DOP1B: variants seen among roughly 807,000 people sequenced by gnomAD.
DOP1B encodes protein DOP1B.
A neutral mutation model predicts 233.5 loss-of-function variants in DOP1B; 174 were observed. The observed-to-expected ratio is 0.75, with a 90% CI of 0.66 to 0.85. The LOEUF (loss-of-function observed/expected upper bound fraction) is 0.85. Ranked by LOEUF, DOP1B falls within the 40% of genes least tolerant of loss-of-function variation. DOP1B has a pLI of 0.00. For missense variants in DOP1B, 2,652 were observed against 2,846.6 expected, an observed-to-expected ratio of 0.93 and a Z score of 1.56; for synonymous variants, 1,190 against 1,185.6, an observed-to-expected ratio of 1.00 and a Z score of -0.08.
chr21:36,243,416 TCTC>T (rs2066915891), intron 18 of DOP1B, among the ~76,000 whole-genome samples: 3 of 151,666 alleles, frequency 2.0e-5, no homozygotes, highest in African/African-American at 4.8e-5. Context: ...CTATTTGACT[TCTC>T]CTAAAAAAGA....
At chr21:36,189,691 C>A (rs1253843457) in intron 2 of DOP1B, among the ~76,000 whole-genome samples, 4 of 150,746 alleles carry the variant, frequency 2.7e-5, no homozygotes, top group Non-Finnish European at 5.9e-5. Flanking sequence ...GCCTGGGTGA[C>A]AGAGCGAGAC....
At chr21:36,266,518 G>A (rs142363145) in intron 26 of DOP1B, among the ~76,000 whole-genome samples, 22 of 152,302 alleles carry the variant, frequency 1.4e-4, no homozygotes, top group African/African-American at 4.6e-4. Flanking sequence ...CAGATGAAGC[G>A]ATGATCAGGC....
intron 2 of DOP1B, among the ~76,000 whole-genome samples, chr21:36,190,266 A>C (rs900983257): frequency 6.6e-6 from 1 of 150,406 alleles, no homozygotes; most frequent in Non-Finnish European, 1.5e-5. Context: ...CGGAGGTTGC[A>C]GTGAGCCGAG....
chr21:36,254,052 T>A, intron 23 of DOP1B, 143 bp downstream of exon 23: 9 of 1,055,960 alleles, frequency 8.5e-6, no homozygotes, highest in Non-Finnish European at 1.2e-5. Flanking sequence ...GAAGTGGAGG[T>A]GCTGTTTGCT....
At chr21:36,255,656 T>G (rs930267241) in intron 23 of DOP1B, among the ~76,000 whole-genome samples, 8 of 150,718 alleles carry the variant, frequency 5.3e-5, no homozygotes, top group African/African-American at 1.7e-4. Flanking sequence ...GGTCTGGAAC[T>G]CCTAGGCTCA....
chr21:36,256,584 G>A (rs1263467279), intron 23 of DOP1B, among the ~76,000 whole-genome samples: 2 of 152,216 alleles, frequency 1.3e-5, no homozygotes, highest in Non-Finnish European at 2.9e-5. Flanking sequence ...CTCAGTGGGT[G>A]TGCGGATAAC....
chr21:36,236,759 TTTTTTC>T (rs1244818486), intron 15 of DOP1B, among the ~76,000 whole-genome samples: 2 of 148,034 alleles, frequency 1.4e-5, no homozygotes, highest in African/African-American at 2.5e-5. Flanking sequence ...CCTTTTTTTC[TTTTTTC>T]TTTTTCTTTT....
intron 23 of DOP1B, among the ~76,000 whole-genome samples, chr21:36,257,876 G>T (rs1465410574): frequency 6.6e-6 from 1 of 150,968 alleles, no homozygotes; most frequent in African/African-American, 2.5e-5. Flanking sequence ...GATGTAGGTA[G>T]ATGTAGTTAG....
intron 3 of DOP1B, among the ~76,000 whole-genome samples, chr21:36,199,544 G>A (rs554979369): frequency 4.5e-4 from 69 of 151,654 alleles, no homozygotes; most frequent in Non-Finnish European, 7.5e-4. Context: ...CCATTAACTC[G>A]TCATTTACAT....
At chr21:36,194,712 C>T (rs992974543) in intron 2 of DOP1B, among the ~76,000 whole-genome samples, 1 of 152,058 alleles carries the variant, frequency 6.6e-6, no homozygotes, top group African/African-American at 2.4e-5. Context: ...GTCTCAAACT[C>T]CTGACCTCAG....
In DOP1B at chr21:36,251,254, A is replaced by C; in HGVS notation, c.5091A>C (p.Arg1697Ser). The C allele has an allele frequency of 6.2e-7, 1 of 1,613,924 alleles. No homozygotes were observed. Among genetic ancestry groups the C allele is most frequent in the Non-Finnish European group, 8.5e-7 (1 of 1,179,960 alleles). ...CGGCTGTTGCGGCAGTGTGGAGCAG[A>C]AAGAAAGCCCAGCGTCACAGTAAGA... is the stretch of plus-strand genomic sequence containing the variant. ...LTAAVAAVWS[R>S]KKAQRHSKMK... is the part of the protein sequence containing the mutation. The change falls in exon 22 of 37, where the codon AGA (arginine) becomes AGC (serine). Residue 1697 changes from arginine (R) to serine (S), a missense_variant. Physicochemically the swap from Arg to Ser is moderately radical, Grantham distance 110 (BLOSUM62 -1). Around this residue, in one of 3 missense-constraint regions of DOP1B, gnomAD observed 2,617 missense variants for 2,794.3 expected, o/e 0.94. Coordinates refer to ENST00000691173, the MANE Select transcript of DOP1B (RefSeq NM_001320714.2).
At chr21:36,164,589 GC>G in intron 1 of DOP1B, 118 bp from the exon 2 acceptor site, 1 of 684,594 alleles carries the variant, frequency 1.5e-6, no homozygotes. Context: ...GAACAGGATT[GC>G]CCAGTGAGTT....
At chr21:36,230,298 C>A in intron 13 of DOP1B, 152 bp from the exon 14 acceptor site, 1 of 1,049,110 alleles carries the variant, frequency 9.5e-7, no homozygotes, top group Non-Finnish European at 1.3e-6. Flanking sequence ...TGGGTGCCTC[C>A]TAAATTTCAT....
rs149143022 is a variant in DOP1B, at chr21:36,191,294, C to T, written c.139-7776C>T. On this transcript the variant is annotated intron_variant, in intron 2 of 36. Transcript: ENST00000691173. ...CAAAAAACAGAAAAAAACCCACATA[C>T]CCACACATACACCCTGAAGAGGGAA... Among the ~76,000 whole-genome samples the T allele has an allele frequency of 2.1e-3, 324 of 151,508 alleles. 3 individuals carry two copies. Among genetic ancestry groups the T allele is most frequent in the Non-Finnish European group, 3.4e-3 (232 of 67,870 alleles).
At position 36,219,473 on chromosome 21, in the gene DOP1B, A is replaced by C. The variant is rs1471815502; in HGVS notation, c.1231A>C (p.Ser411Arg). ...GSDLKLSYTQ[S>R]GNSLISAIKE... ...TGATCTTAAACTTAGCTACACCCAG[A>C]GTGGAAATTCGCTGATAAGGTATGG... Residue 411 changes from serine to arginine, a missense_variant, in exon 10 of 37, where the codon AGT becomes CGT. Around this residue, in one of 3 missense-constraint regions of DOP1B, gnomAD observed 2,617 missense variants for 2,794.3 expected, o/e 0.94. Coordinates refer to ENST00000691173, the MANE Select transcript of DOP1B (RefSeq NM_001320714.2). 2 of 1,613,984 alleles carry C rather than the reference A, an allele frequency of 1.2e-6. No individual in the cohort carries two copies. Among genetic ancestry groups the C allele is most frequent in the African/African-American group, 2.7e-5 (2 of 74,906 alleles).
At chr21:36,181,572 C>T (rs1351759731) in intron 2 of DOP1B, among the ~76,000 whole-genome samples, 1 of 152,200 alleles carries the variant, frequency 6.6e-6, no homozygotes, top group Admixed American at 6.5e-5. Flanking sequence ...AGCCACCACG[C>T]CCGGCCCAGG....
intron 14 of DOP1B, among the ~76,000 whole-genome samples, chr21:36,231,643 C>T (rs1360836581): frequency 6.6e-6 from 1 of 151,226 alleles, no homozygotes; most frequent in Non-Finnish European, 1.5e-5. Flanking sequence ...TTTCATGATG[C>T]CTGTTGATAA....
intron 26 of DOP1B, among the ~76,000 whole-genome samples, chr21:36,269,681 A>G (rs1305857017): frequency 6.6e-6 from 1 of 151,510 alleles, no homozygotes; most frequent in African/African-American, 2.4e-5. Context: ...CATCATGCCC[A>G]GCTAATTTTT....
At chr21:36,268,187 T>G (rs548673170) in intron 26 of DOP1B, among the ~76,000 whole-genome samples, 153 of 152,250 alleles carry the variant, frequency 1.0e-3, no homozygotes, top group African/African-American at 3.5e-3. Flanking sequence ...CTCAACCGCA[T>G]AAGACAGACA....
Sources: gnomAD v4.1 joint callset for allele counts (sites outside exome capture counted in the v4.1 genomes callset) on GRCh38, gnomAD v4.1.1 for gene constraint, gnomAD v4.1.1 regional missense constraint, MANE v1.5 for transcripts, NCBI Gene and HGNC (gene_info 2026-07-23, HGNC 2026-07-21) for gene names.